The following ATRNL1 variants were observed in gnomAD, a reference collection of about 807,000 sequenced individuals.
The protein encoded by ATRNL1 is attractin-like protein 1.
In ATRNL1, 95 loss-of-function variants were observed where a neutral mutation model predicts 182.7. The observed-to-expected ratio is 0.52, with a 90% CI of 0.44 to 0.62. ATRNL1 has a LOEUF of 0.62. Among genes scored for constraint, ATRNL1 ranks in the 20% least tolerant of loss-of-function variants. The pLI, the probability that ATRNL1 is intolerant of heterozygous loss-of-function variation, is 0.00. For missense variants in ATRNL1, 1,471 were observed against 1,679.5 expected (o/e 0.88, Z 2.17); for synonymous variants, 576 against 568.3 (o/e 1.01, Z -0.19).
chr10:115,567,377 T>C (rs778649217), intron 26 of ATRNL1, among the ~76,000 whole-genome samples: 1 of 152,178 alleles, frequency 6.6e-6, no homozygotes, highest in Non-Finnish European at 1.5e-5. Flanking sequence ...GGATAAGTTT[T>C]TCTAAATGAA....
intron 28 of ATRNL1, among the ~76,000 whole-genome samples, chr10:115,855,196 A>G (rs898654360): frequency 6.6e-6 from 1 of 152,234 alleles, no homozygotes; most frequent in African/African-American, 2.4e-5. Flanking sequence ...TGCTAGGCCT[A>G]TCATTCCATA....
intron 26 of ATRNL1, among the ~76,000 whole-genome samples, chr10:115,691,175 T>C (rs1946382169): frequency 6.6e-6 from 1 of 152,174 alleles, no homozygotes; most frequent in Non-Finnish European, 1.5e-5. Flanking sequence ...AGTGTTCTTA[T>C]TTTTAACCTT....
chr10:115,126,696 A>AT (rs1202423007), intron 3 of ATRNL1, among the ~76,000 whole-genome samples: 2 of 152,230 alleles, frequency 1.3e-5, no homozygotes, highest in African/African-American at 4.8e-5. Context: ...TATGATTTGA[A>AT]TGGGGGAATT....
intron 26 of ATRNL1, among the ~76,000 whole-genome samples, chr10:115,658,090 C>CTTTTTTTTTTTTT (rs71010038): frequency 1.1e-5 from 1 of 90,284 alleles, no homozygotes; most frequent in African/African-American, 4.3e-5. Flanking sequence ...AATTTTTTTC[C>CTTTTTTTTTTTTT]TTTTTTTTTT....
chr10:115,304,072 G>C (rs148302448), intron 17 of ATRNL1, among the ~76,000 whole-genome samples: 1 of 152,134 alleles, frequency 6.6e-6, no homozygotes, highest in East Asian at 1.9e-4. Flanking sequence ...TTAGGTTTTT[G>C]CATCAGTCCA....
intron 26 of ATRNL1, among the ~76,000 whole-genome samples, chr10:115,708,927 CT>C (rs34153744): frequency 6.6e-6 from 1 of 151,682 alleles, no homozygotes; most frequent in African/African-American, 2.4e-5. Context: ...AGTTATCTCA[CT>C]TTTTTTGAAG....
In ATRNL1 at chr10:115,215,808, A is replaced by T. The variant is rs782090458; in HGVS notation, c.1460A>T (p.Tyr487Phe). 7 of 1,606,580 alleles carry T rather than the reference A, an allele frequency of 4.4e-6. No individual in the cohort carries two copies. The highest frequency in any genetic ancestry group is 5.1e-6 in the Non-Finnish European group (6 of 1,177,330). Residue 487 changes from tyrosine to phenylalanine, a missense_variant, in exon 9 of 29, where the codon TAT becomes TTT. Around this residue, in one of 3 missense-constraint regions of ATRNL1, gnomAD observed 1,031 missense variants for 1,156.0 expected, o/e 0.89. Transcript: ENST00000355044. ...AAGTCCATTTATGTTCATGGAGGGT[A>T]TAAAGCATTGCCAGGGAACAAATAT... is the stretch of plus-strand genomic sequence containing the variant. ...ITKSIYVHGG[Y>F]KALPGNKYGL...
intron 4 of ATRNL1, chr10:115,128,298 A>G (rs1554874108): frequency 6.4e-6 from 1 of 155,838 alleles, no homozygotes; most frequent in African/African-American, 2.4e-5. Context: ...TATGCCTGAT[A>G]CTTTATATAC....
intron 18 of ATRNL1, among the ~76,000 whole-genome samples, chr10:115,333,177 T>C (rs1855314339): frequency 1.3e-5 from 2 of 152,280 alleles, no homozygotes; most frequent in South Asian, 4.1e-4. Flanking sequence ...TTGTAATAAG[T>C]AAAAATAATC....
At chr10:115,830,678 C>A (rs987812047) in intron 27 of ATRNL1, among the ~76,000 whole-genome samples, 2 of 152,078 alleles carry the variant, frequency 1.3e-5, no homozygotes, top group African/African-American at 2.4e-5. Flanking sequence ...AGTGTTTTTG[C>A]ACTGTTGGTT....
At chr10:115,548,464 T>C (rs781960060) in intron 25 of ATRNL1, among the ~76,000 whole-genome samples, 4 of 152,166 alleles carry the variant, frequency 2.6e-5, no homozygotes, top group Non-Finnish European at 4.4e-5. Flanking sequence ...GAACCAGGTT[T>C]TTCTTGTAAT....
At chr10:115,621,282 G>T (rs797040171) in intron 26 of ATRNL1, among the ~76,000 whole-genome samples, 5,897 of 55,360 alleles carry the variant, frequency 0.11, 152 homozygotes, top group African/African-American at 0.13. Context: ...TATATAGAGA[G>T]AGAGAGAGAG....
chr10:115,217,046 G>A (rs1744659229), intron 9 of ATRNL1, among the ~76,000 whole-genome samples: 1 of 151,958 alleles, frequency 6.6e-6, no homozygotes, highest in Non-Finnish European at 1.5e-5. Flanking sequence ...AGTGATGAAG[G>A]TACTATCAGT....
intron 19 of ATRNL1, among the ~76,000 whole-genome samples, chr10:115,384,488 CG>C (rs1858221602): frequency 6.6e-6 from 1 of 151,770 alleles, no homozygotes. Flanking sequence ...ATGGGCCATT[CG>C]GTCTGTGTGC....
intron 26 of ATRNL1, among the ~76,000 whole-genome samples, chr10:115,667,124 G>GC (rs1861044090): frequency 6.6e-6 from 1 of 152,008 alleles, no homozygotes. Context: ...CCTGCTCTCT[G>GC]CCCCAGAAGC....
In ATRNL1 at chr10:115,908,252, A is replaced by G. The variant is rs575922497; in HGVS notation, c.4019-36406A>G. 2.2e-4 allele frequency among the ~76,000 whole-genome samples: 34 copies of G among 152,334 alleles called. 1 individual carries two copies. The highest frequency in any genetic ancestry group is 6.2e-4 in the South Asian group (3 of 4,830). On this transcript the variant is annotated intron_variant, in intron 28 of 28. Transcript: ENST00000355044. ...TACCACGACCTAGGCAGCTTTAAAC[A>G]TAACACAAATGTATTACCTTACAGT... is the stretch of plus-strand genomic sequence containing the variant.
intron 26 of ATRNL1, among the ~76,000 whole-genome samples, chr10:115,639,699 A>C (rs1475429951): frequency 1.3e-5 from 2 of 152,200 alleles, no homozygotes; most frequent in African/African-American, 4.8e-5. Context: ...AGATACATTC[A>C]ACACTATAAA....
At chr10:115,876,929 A>G (rs1277595839) in intron 28 of ATRNL1, among the ~76,000 whole-genome samples, 12 of 152,224 alleles carry the variant, frequency 7.9e-5, no homozygotes, top group Admixed American at 7.9e-4. Context: ...CAAACAATTT[A>G]TCTAGAATGG....
At chr10:115,193,835 A>G (rs1487315619) in intron 8 of ATRNL1, among the ~76,000 whole-genome samples, 4 of 151,436 alleles carry the variant, frequency 2.6e-5, no homozygotes, top group African/African-American at 4.8e-5. Context: ...GTAAGGATTT[A>G]TTACTGTAAA....
Sources: gnomAD v4.1 joint callset for allele counts (sites outside exome capture counted in the v4.1 genomes callset) on GRCh38, gnomAD v4.1.1 for gene constraint, gnomAD v4.1.1 regional missense constraint, MANE v1.5 for transcripts, NCBI Gene and HGNC (gene_info 2026-07-23, HGNC 2026-07-21) for gene names.